BCO2: variants seen among roughly 807,000 people sequenced by gnomAD.
BCO2 encodes beta-carotene oxygenase 2.
In BCO2, 56 loss-of-function variants were observed where a neutral mutation model predicts 65.8. That is an observed-to-expected ratio of 0.85 (90% CI 0.69 to 1.06). The LOEUF is 1.06. BCO2 is among the 50% of genes least tolerant of loss of function. The probability of loss-of-function intolerance (pLI) is 0.00; values close to 1 mark genes in which losing one functional copy is unlikely to be tolerated. For missense variants in BCO2, 675 were observed against 698.5 expected (o/e 0.97, Z 0.38); for synonymous variants, 233 against 242.3 (o/e 0.96, Z 0.36).
intron 8 of BCO2, among the ~76,000 whole-genome samples, chr11:112,204,623 C>G (rs1396487201): frequency 6.6e-6 from 1 of 152,234 alleles, no homozygotes. Context: ...TCTACTACCA[C>G]TTAATGAATA....
intron 9 of BCO2, among the ~76,000 whole-genome samples, chr11:112,214,385 G>C (rs1374567752): frequency 6.6e-6 from 1 of 151,990 alleles, no homozygotes; most frequent in African/African-American, 2.4e-5. Context: ...CTGACCTCAG[G>C]TAATCCGCCC....
At chr11:112,209,262 CCT>C (rs1859440453) in intron 8 of BCO2, among the ~76,000 whole-genome samples, 1 of 152,222 alleles carries the variant, frequency 6.6e-6, no homozygotes, top group Non-Finnish European at 1.5e-5. Flanking sequence ...CCCCTTTCCT[CCT>C]CTCAGCCCCT....
intron 8 of BCO2, among the ~76,000 whole-genome samples, chr11:112,207,959 A>AT (rs55956520): frequency 0.99 from 145,076 of 146,596 alleles, 71,787 homozygotes; most frequent in South Asian, 1. Context: ...CTATATAGCA[A>AT]TTTTTTTTTT....
chr11:112,202,114 G>A lies in BCO2; in HGVS notation c.1118G>A (p.Cys373Tyr). 2 of 1,613,942 alleles carry A rather than the reference G, an allele frequency of 1.2e-6. No individual in the cohort carries two copies. Among genetic ancestry groups the A allele is most frequent in the Non-Finnish European group, 1.7e-6 (2 of 1,179,908 alleles). The change falls in exon 8 of 12, where the codon TGC becomes TAC. Residue 373 changes from cysteine to tyrosine, a missense_variant. By Grantham distance (194) the Cys-to-Tyr change is radical. Transcript: ENST00000357685. ...CAGGGCTGTGTTATAATTGATTTGT[G>A]CTGTCAAGATAATGGAAGAACCCTA... is the stretch of plus-strand genomic sequence containing the variant. ...EDQGCVIIDL[C>Y]CQDNGRTLEV...
chr11:112,204,919 CCTCCCAAAGTT>C (rs745351412), intron 8 of BCO2, among the ~76,000 whole-genome samples: 9 of 152,186 alleles, frequency 5.9e-5, no homozygotes, highest in Non-Finnish European at 1.2e-4. Flanking sequence ...CCCACCTTGG[CCTCCCAAAGTT>C]CTGGGATTAC....
rs374481296 is a variant in BCO2 at position 112,200,762 on chromosome 11, C to T, written c.1015C>T (p.Arg339Cys). Residue 339 changes from arginine to cysteine, a missense_variant, in exon 7 of 12, where the codon CGC (arginine) becomes TGC (cysteine). Arg to Cys is a radical substitution (Grantham distance 180). Coordinates refer to ENST00000357685, the MANE Select transcript of BCO2 (RefSeq NM_031938.7). The stretch of plus-strand genomic sequence containing the variant: ...TACGCGGTTTCATGTGGTGGAAAAA[C>T]GCACTGGACAGGTGGAGTATTTTGA... ...CNTRFHVVEK[R>C]TGQLLPGRYY... 1.9e-5 allele frequency: 30 copies of T among 1,613,628 alleles called. No individual in the cohort carries two copies. The highest frequency in any genetic ancestry group is 1.5e-4 in the African/African-American group (11 of 74,976).
intron 2 of BCO2, chr11:112,183,167 ATACATGTCACAAAGTGT>A (rs1163369394): frequency 1.9e-6 from 2 of 1,070,802 alleles, no homozygotes; most frequent in Non-Finnish European, 2.9e-6. Flanking sequence ...TAACACCACT[ATACATGTCACAAAGTGT>A]CAGATGAGAA....
intron 5 of BCO2, among the ~76,000 whole-genome samples, chr11:112,197,000 T>G (rs968108271): frequency 6.8e-6 from 1 of 147,068 alleles, no homozygotes; most frequent in African/African-American, 2.5e-5. Context: ...TTCTTCTTCC[T>G]TCTTCTTCTT....
intron 2 of BCO2, 97 bp from the exon 3 acceptor site, chr11:112,193,377 C>T: frequency 1.7e-6 from 2 of 1,165,528 alleles, no homozygotes; most frequent in South Asian, 2.8e-5. Flanking sequence ...TGTCCCATTT[C>T]CTTATCTTTA....
chr11:112,217,813 G>T lies in BCO2; in HGVS notation c.1679G>T (p.Gly560Val). 6.2e-7 allele frequency: 1 copy of T among 1,614,166 alleles called. No individual in the cohort carries two copies. The change falls in exon 12 of 12, where the codon GGC becomes GTC. Residue 560 changes from glycine (G) to valine (V), a missense_variant. Coordinates refer to ENST00000357685, the MANE Select transcript of BCO2 (RefSeq NM_031938.7). ...VLDAKNFEEL[G>V]RAEVPVQMPY... ...GATGCCAAGAACTTTGAAGAGCTGG[G>T]CCGAGCAGAGGTACCTGTGCAGATG...
intron 2 of BCO2, among the ~76,000 whole-genome samples, chr11:112,185,627 G>A (rs192149002): frequency 3.6e-4 from 54 of 152,106 alleles, no homozygotes; most frequent in Admixed American, 1.3e-3. Flanking sequence ...GTTATATGTA[G>A]TATTTTTTGC....
Position 112,181,306 on chromosome 11 carries a change from C to G in BCO2, c.293+1824C>G, listed in dbSNP as rs1484135092. On this transcript the variant is annotated intron_variant, in intron 2 of 11. Transcript: ENST00000357685. ...ACGCCATTCTCCTGCCTCAGCCTCC[C>G]AAGTAGCTGGGACTACAGGCGCCCG... The G allele has an allele frequency of 3.3e-5, 18 of 550,086 alleles. No homozygotes were observed. The Admixed American group carries it at 5.5e-4, about 17-fold the overall frequency. 34.1% of individuals were successfully genotyped at this position (550,086 alleles called of 1,614,324 possible). A position where few individuals can be genotyped will look rare whatever the true frequency, so the allele number is the denominator to read the frequency against.
At chr11:112,181,658 G>C (rs1212028717) in intron 2 of BCO2, 1 of 913,556 alleles carries the variant, frequency 1.1e-6, no homozygotes, top group Admixed American at 1.7e-5. Context: ...CTCAACCACT[G>C]GAGGATCATT....
chr11:112,182,651 T>TGA (rs1867085461), intron 2 of BCO2, among the ~76,000 whole-genome samples: 1 of 141,734 alleles, frequency 7.1e-6, no homozygotes, highest in Non-Finnish European at 1.5e-5. Context: ...AATTGAACAA[T>TGA]GAGAACACTT....
At chr11:112,203,173 A>G (rs1867779679) in intron 8 of BCO2, among the ~76,000 whole-genome samples, 1 of 152,192 alleles carries the variant, frequency 6.6e-6, no homozygotes, top group South Asian at 2.1e-4. Flanking sequence ...GAAGGGATTC[A>G]CTTTTTCCTG....
At chr11:112,183,285 C>A (rs756195881) in intron 2 of BCO2, 3 of 671,166 alleles carry the variant, frequency 4.5e-6, no homozygotes, top group Non-Finnish European at 8.1e-6. Context: ...GAAGAAATAA[C>A]ACTATAAGGA....
intron 5 of BCO2, among the ~76,000 whole-genome samples, chr11:112,196,215 C>T (rs141708450): frequency 6.6e-6 from 1 of 152,022 alleles, no homozygotes; most frequent in African/African-American, 2.4e-5. Context: ...GGAAATTCAT[C>T]TCTTTATCTT....
chr11:112,200,578 A>G (rs1253875771), intron 6 of BCO2, 35 bp from the exon 7 acceptor site: 4 of 1,575,638 alleles, frequency 2.5e-6, no homozygotes, highest in Admixed American at 1.9e-5. Context: ...CTAGTTTGCC[A>G]AATAACATTT....
At chr11:112,200,368 GAA>G (rs1566787260) in intron 6 of BCO2, 1 of 333,462 alleles carries the variant, frequency 3.0e-6, no homozygotes, top group Non-Finnish European at 5.3e-6. Context: ...AAAAGAAAAG[GAA>G]AAAAAGATAA....
Sources: gnomAD v4.1 joint callset for allele counts (sites outside exome capture counted in the v4.1 genomes callset) on GRCh38, gnomAD v4.1.1 for gene constraint, MANE v1.5 for transcripts, NCBI Gene and HGNC (gene_info 2026-07-23, HGNC 2026-07-21) for gene names.